Variants in YAP1 observed in about 807,000 individuals in gnomAD.
YAP1 encodes the protein transcriptional coactivator YAP1.
A neutral mutation model predicts 56.9 loss-of-function variants in YAP1; 5 were observed. The observed-to-expected ratio is 0.09, with a 90% CI of 0.05 to 0.18. The LOEUF (loss-of-function observed/expected upper bound fraction) is 0.18, where lower values mean the gene tolerates loss of function less well. Ranked by LOEUF, YAP1 falls within the 10% of genes least tolerant of loss-of-function variation. YAP1 has a pLI of 1.00. For synonymous variants in YAP1, 265 were observed against 248.1 expected (o/e 1.07, Z -0.64); for missense variants, 539 against 651.8 (o/e 0.83, Z 1.88).
chr11:102,202,083 C>T (rs918102595), intron 4 of YAP1, among the ~76,000 whole-genome samples: 20 of 152,288 alleles, frequency 1.3e-4, no homozygotes, highest in African/African-American at 4.6e-4. Context: ...TAAAACACAT[C>T]ATAAACATAT....
chr11:102,160,127 G>A (rs370578306), intron 2 of YAP1, among the ~76,000 whole-genome samples: 1 of 149,754 alleles, frequency 6.7e-6, no homozygotes, highest in Non-Finnish European at 1.5e-5. Context: ...GGGTTTAAGC[G>A]ATTCTCCTGC....
At chr11:102,213,094 C>T (rs1405608935) in intron 6 of YAP1, among the ~76,000 whole-genome samples, 1 of 152,214 alleles carries the variant, frequency 6.6e-6, no homozygotes, top group Non-Finnish European at 1.5e-5. Flanking sequence ...TAGGAATGCA[C>T]TCTAGCTTCT....
In YAP1 at chr11:102,232,280, G is replaced by A. The variant is rs902370061; in HGVS notation, c.*2340G>A. ...CTTAGGGGGAGGGTGGGAAAGTTTG[G>A]GGGGGGGGTTGTGAAGATTTAGGGG... On this transcript the variant is annotated 3_prime_UTR_variant, in exon 9 of 9. Coordinates refer to ENST00000282441, the MANE Select transcript of YAP1 (RefSeq NM_001130145.3). 1 of 117,734 alleles carries A rather than the reference G, an allele frequency of 8.5e-6. No individual in the cohort carries two copies. The highest frequency in any genetic ancestry group is 8.3e-5 in the Admixed American group (1 of 11,978). 7.3% of individuals were successfully genotyped at this position (117,734 alleles called of 1,614,324 possible). A position where few individuals can be genotyped will look rare whatever the true frequency, so the allele number is the denominator to read the frequency against.
intron 4 of YAP1, among the ~76,000 whole-genome samples, chr11:102,203,256 A>G (rs985061334): frequency 1.3e-5 from 2 of 152,212 alleles, no homozygotes; most frequent in Non-Finnish European, 2.9e-5. Flanking sequence ...CCACAGAACC[A>G]TGTTATTAAA....
intron 5 of YAP1, 119 bp from the exon 6 acceptor site, chr11:102,209,398 T>C: frequency 1.1e-6 from 1 of 895,474 alleles, no homozygotes. Context: ...TGCTTCTTCT[T>C]GGGTAGCTTG....
chr11:102,201,620 CATA>C (rs1416439557), intron 4 of YAP1, among the ~76,000 whole-genome samples: 1 of 151,970 alleles, frequency 6.6e-6, no homozygotes, highest in Non-Finnish European at 1.5e-5. Flanking sequence ...TTTTAGTGAT[CATA>C]ATGTTATTTT....
At chr11:102,149,598 T>C (rs1945510749) in intron 2 of YAP1, among the ~76,000 whole-genome samples, 1 of 152,186 alleles carries the variant, frequency 6.6e-6, no homozygotes, top group South Asian at 2.1e-4. Flanking sequence ...TGTGAAATGA[T>C]TGGCCAAACT....
In YAP1 at chr11:102,231,510, G is replaced by A. The variant is rs186532483; in HGVS notation, c.*1570G>A. The A allele has an allele frequency of 5.2e-5, 8 of 152,694 alleles. No homozygotes were observed. In the East Asian group the frequency reaches 1.5e-3, roughly 29 times the overall value. 9.5% of individuals were successfully genotyped at this position (152,694 alleles called of 1,614,324 possible). A position where few individuals can be genotyped will look rare whatever the true frequency, so the allele number is the denominator to read the frequency against. On this transcript the variant is annotated 3_prime_UTR_variant, in exon 9 of 9. Coordinates refer to ENST00000282441, the MANE Select transcript of YAP1 (RefSeq NM_001130145.3). ...AAATGTATATTGGTAGTTGAATTTA[G>A]CAAAGAAATAGAGATAATCATGATT... is the stretch of plus-strand genomic sequence containing the variant.
intron 6 of YAP1, among the ~76,000 whole-genome samples, chr11:102,216,303 A>C (rs1033659100): frequency 1.3e-5 from 2 of 152,344 alleles, no homozygotes; most frequent in South Asian, 4.1e-4. Flanking sequence ...TAAAATAGTG[A>C]AAATTTGTTT....
intron 2 of YAP1, among the ~76,000 whole-genome samples, chr11:102,136,553 A>G (rs1266273181): frequency 6.6e-6 from 1 of 151,990 alleles, no homozygotes; most frequent in Non-Finnish European, 1.5e-5. Context: ...GAGTTTCACC[A>G]TGTTGCCCAA....
chr11:102,228,049 CAAA>C (rs35908272), intron 8 of YAP1, among the ~76,000 whole-genome samples: 21 of 111,588 alleles, frequency 1.9e-4, no homozygotes, highest in Middle Eastern at 5.4e-3. Flanking sequence ...GACCTCTTCT[CAAA>C]AAAAAAAAAA....
chr11:102,111,424 G>A (rs928520872), intron 1 of YAP1, among the ~76,000 whole-genome samples: 1 of 152,098 alleles, frequency 6.6e-6, no homozygotes. Context: ...AGCCCCGGGG[G>A]GCGTGCTTTC....
In YAP1 at chr11:102,114,044, A is replaced by T. The variant is rs1943127257; in HGVS notation, c.322-100A>T. 11 of 1,295,804 alleles carry T rather than the reference A, an allele frequency of 8.5e-6. No individual in the cohort carries two copies. In the East Asian group the frequency reaches 2.7e-4, roughly 31 times the overall value. The allele number at this position is 1,295,804 out of a possible 1,614,324, so 80.3% of individuals were successfully genotyped here. ...TTAAATGTTGAAATTTTCCTTTGGT[A>T]CTTAGATATTCGGCTGCAATTAAGC... On this transcript the variant is annotated intron_variant, in intron 1 of 8. Coordinates refer to ENST00000282441, the MANE Select transcript of YAP1 (RefSeq NM_001130145.3).
At chr11:102,150,004 TGAGACAGTCTTGCTC>T (rs1945541295) in intron 2 of YAP1, among the ~76,000 whole-genome samples, 1 of 105,198 alleles carries the variant, frequency 9.5e-6, no homozygotes, top group Non-Finnish European at 2.1e-5. Flanking sequence ...TTTTTTTTTT[TGAGACAGTCTTGCTC>T]TGTGGCCCAG....
At chr11:102,163,591 T>C (rs920083634) in intron 3 of YAP1, among the ~76,000 whole-genome samples, 1 of 152,212 alleles carries the variant, frequency 6.6e-6, no homozygotes, top group Non-Finnish European at 1.5e-5. Flanking sequence ...AACAATAGTA[T>C]GTGGCAGCTC....
In YAP1 at chr11:102,172,300, ATT is replaced by A. The variant is rs752185861; in HGVS notation, c.688+9756_688+9757del. Among the ~76,000 whole-genome samples, 635 of 110,758 alleles carry A rather than the reference ATT, an allele frequency of 5.7e-3. 3 individuals carry two copies. Among genetic ancestry groups the A allele is most frequent in the African/African-American group, 0.026 (612 of 23,506 alleles). The allele number at this position is 110,758 out of a possible 152,430, so 72.7% of individuals were successfully genotyped here. ...TAGTGGAAAGGAAGAACAGTGAAGA[ATT>A]TTTTTTTTTTTTTTTTTTTTTTTTT... On this transcript the variant is annotated intron_variant, in intron 3 of 8. Transcript: ENST00000282441.
chr11:102,180,295 A>G (rs1947515960), intron 3 of YAP1, among the ~76,000 whole-genome samples: 1 of 152,102 alleles, frequency 6.6e-6, no homozygotes, highest in Non-Finnish European at 1.5e-5. Flanking sequence ...TAATTAGTAG[A>G]TCCTATACTG....
At chr11:102,226,338 G>C (rs562660201) in intron 7 of YAP1, among the ~76,000 whole-genome samples, 7 of 152,252 alleles carry the variant, frequency 4.6e-5, no homozygotes, top group Non-Finnish European at 5.9e-5. Context: ...GGGAGAGAGA[G>C]AACAAGGCAA....
chr11:102,172,513 G>A (rs1946975146), intron 3 of YAP1, among the ~76,000 whole-genome samples: 2 of 148,594 alleles, frequency 1.3e-5, no homozygotes, highest in South Asian at 4.3e-4. Context: ...ACAAAAGGTG[G>A]GCATGGTAGT....
Sources: gnomAD v4.1 joint callset for allele counts (sites outside exome capture counted in the v4.1 genomes callset) on GRCh38, gnomAD v4.1.1 for gene constraint, MANE v1.5 for transcripts, NCBI Gene and HGNC (gene_info 2026-07-23, HGNC 2026-07-21) for gene names.